The following RHOT1 variants were observed in gnomAD, a reference collection of about 807,000 sequenced individuals.
RHOT1 encodes the protein mitochondrial Rho GTPase 1.
RHOT1 carries 27 observed loss-of-function variants against 95.3 expected under a neutral mutation model. The observed-to-expected ratio is 0.28, with a 90% CI of 0.21 to 0.39. RHOT1 has a LOEUF of 0.39. Ranked by LOEUF, RHOT1 falls within the 10% of genes least tolerant of loss-of-function variation. RHOT1 has a pLI of 1.00. For missense variants in RHOT1, 578 were observed against 786.7 expected (o/e 0.73, Z 3.17); for synonymous variants, 227 against 263.5 (o/e 0.86, Z 1.34).
At chr17:32,207,225 G>A in intron 17 of RHOT1, 196 bp downstream of exon 17, 1 of 475,506 alleles carries the variant, frequency 2.1e-6, no homozygotes, top group South Asian at 4.6e-5. Context: ...ATTTCTGAAA[G>A]TTTTCGACAT....
At chr17:32,223,622 C>G (rs927109086) in intron 19 of RHOT1, among the ~76,000 whole-genome samples, 2 of 151,972 alleles carry the variant, frequency 1.3e-5, no homozygotes, top group African/African-American at 4.8e-5. Flanking sequence ...ACCATGTTGG[C>G]CAGGCCAGTC....
Position 32,197,659 on chromosome 17 carries a change from A to G in RHOT1, c.870-1288A>G, listed in dbSNP as rs534682158. On this transcript the variant is annotated intron_variant, in intron 11 of 19. Transcript: ENST00000545287. ...TGTCCAGGATGGTCTCAATCTCTTG[A>G]CCTCGTGATCTGCCCGCCTCGGCCT... 4.6e-5 allele frequency among the ~76,000 whole-genome samples: 7 copies of G among 151,838 alleles called. No individual in the cohort carries two copies. The South Asian group carries it at 1.2e-3, about 27-fold the overall frequency.
intron 1 of RHOT1, among the ~76,000 whole-genome samples, chr17:32,151,964 T>C (rs2032361622): frequency 6.6e-6 from 1 of 152,296 alleles, no homozygotes; most frequent in African/African-American, 2.4e-5. Flanking sequence ...AGAAGATCTT[T>C]TATTGTACAA....
At chr17:32,143,350 C>T (rs2030743186) in intron 1 of RHOT1, among the ~76,000 whole-genome samples, 1 of 152,180 alleles carries the variant, frequency 6.6e-6, no homozygotes, top group African/African-American at 2.4e-5. Context: ...TTTAGCAGTA[C>T]TTGTACTTTG....
At chr17:32,163,864 T>C (rs182315806) in intron 1 of RHOT1, among the ~76,000 whole-genome samples, 204 of 151,924 alleles carry the variant, frequency 1.3e-3, no homozygotes, top group African/African-American at 4.7e-3. Context: ...GGATGAAGAA[T>C]AGTGCCTGGT....
intron 15 of RHOT1, 93 bp downstream of exon 15, chr17:32,202,993 A>C: frequency 7.8e-7 from 1 of 1,284,514 alleles, no homozygotes; most frequent in Admixed American, 2.1e-5. Context: ...TTTTTAGATA[A>C]TTATTAGAAC....
Position 32,203,875 on chromosome 17 carries a change from C to T in RHOT1, c.1333-15C>T, listed in dbSNP as rs190747103. 130 of 1,594,342 alleles carry T rather than the reference C, an allele frequency of 8.2e-5. No homozygotes were observed. In the East Asian group the frequency reaches 1.5e-3, roughly 18 times the overall value. ...TAGTTACTGCAGATATTGAGATTTT[C>T]GGTTCTGTTTTCAGAGGCAGAAGAA... On this transcript the variant is annotated splice_polypyrimidine_tract_variant and intron_variant, in intron 15 of 19. Transcript: ENST00000545287.
In RHOT1 at chr17:32,224,626, C is replaced by A. The variant is rs372296401; in HGVS notation, c.1873C>A (p.Gln625Lys). The A allele has an allele frequency of 4.3e-6, 7 of 1,612,274 alleles. No homozygotes were observed. Among genetic ancestry groups the A allele is most frequent in the Non-Finnish European group, 5.9e-6 (7 of 1,178,930 alleles). ...ATTTTCTGACTGCAGGCACGTGACA[C>A]AAGCTGACCTCAAGAGCTCCACGTT... ...FTAVLNRHVTQADLKSSTFWL... is the reference protein window; with the variant it reads ...FTAVLNRHVTKADLKSSTFWL... The change falls in exon 20 of 20, where the codon CAA becomes AAA. Residue 625 changes from glutamine to lysine, a missense_variant. Around this residue, in one of 4 missense-constraint regions of RHOT1, gnomAD observed 296 missense variants for 338.5 expected, o/e 0.87. Transcript: ENST00000545287.
Position 32,173,959 on chromosome 17 carries a change from ACTTG to A in RHOT1, c.178+48_178+51del. Reference sequence around the variant, plus strand: ...ATGAAGGTGTAGGTTAATTTAATAGACTTGAAAAAAGATACTTACTGAGCTTTTA... The same window carrying A: ...ATGAAGGTGTAGGTTAATTTAATAGAAAAAAAGATACTTACTGAGCTTTTA... On this transcript the variant is annotated intron_variant, in intron 3 of 19. Coordinates refer to ENST00000545287, the MANE Select transcript of RHOT1 (RefSeq NM_001033566.3). 3.8e-6 allele frequency: 5 copies of A among 1,302,252 alleles called. No homozygotes were observed. The African/African-American group carries it at 4.4e-5, about 12-fold the overall frequency. 80.7% of individuals were successfully genotyped at this position (1,302,252 alleles called of 1,614,324 possible).
At chr17:32,149,611 A>ATGTGTG (rs1459915998) in intron 1 of RHOT1, among the ~76,000 whole-genome samples, 18 of 85,860 alleles carry the variant, frequency 2.1e-4, no homozygotes, top group African/African-American at 1.3e-3. Context: ...ATATATATAT[A>ATGTGTG]TATATATATA....
intron 1 of RHOT1, among the ~76,000 whole-genome samples, chr17:32,163,952 C>G (rs769215586): frequency 2.0e-4 from 31 of 151,722 alleles, no homozygotes; most frequent in Non-Finnish European, 3.5e-4. Flanking sequence ...GTCAAGAGAT[C>G]GAGACCATCC....
chr17:32,204,322 G>T (rs889258557), intron 16 of RHOT1, among the ~76,000 whole-genome samples: 1 of 151,032 alleles, frequency 6.6e-6, no homozygotes, highest in Admixed American at 6.6e-5. Flanking sequence ...AGGCCAAGGC[G>T]GGCGGATCAC....
intron 1 of RHOT1, among the ~76,000 whole-genome samples, chr17:32,170,143 G>A (rs75676177): frequency 0.034 from 5,193 of 152,142 alleles, 290 homozygotes; most frequent in African/African-American, 0.12. Flanking sequence ...GGCTGGGCGC[G>A]GTAGCTCACG....
At chr17:32,146,925 T>C (rs916350745) in intron 1 of RHOT1, among the ~76,000 whole-genome samples, 2 of 133,712 alleles carry the variant, frequency 1.5e-5, no homozygotes, top group Non-Finnish European at 3.2e-5. Context: ...TTTTTTTTTT[T>C]AGTAGAGAGG....
intron 8 of RHOT1, among the ~76,000 whole-genome samples, chr17:32,184,744 C>T (rs539357333): frequency 6.9e-4 from 105 of 152,042 alleles, no homozygotes; most frequent in Non-Finnish European, 1.1e-3. Context: ...GCAGTCTTCC[C>T]GCCTCCACCT....
chr17:32,150,438 T>C, intron 1 of RHOT1: 1 of 688,276 alleles, frequency 1.5e-6, no homozygotes. Flanking sequence ...GTCAGAGAAA[T>C]CCAAAGTCTA....
intron 16 of RHOT1, among the ~76,000 whole-genome samples, chr17:32,205,705 C>T (rs1024695015): frequency 2.0e-5 from 3 of 152,220 alleles, no homozygotes; most frequent in South Asian, 4.1e-4. Context: ...TTTGGGAGGC[C>T]GAGGCGGGTG....
intron 1 of RHOT1, among the ~76,000 whole-genome samples, chr17:32,170,732 A>G (rs1434159267): frequency 1.3e-5 from 2 of 152,242 alleles, no homozygotes; most frequent in African/African-American, 4.8e-5. Context: ...TGTGATAACT[A>G]TGATTCCATT....
At chr17:32,204,635 T>A (rs951846586) in intron 16 of RHOT1, among the ~76,000 whole-genome samples, 11 of 149,332 alleles carry the variant, frequency 7.4e-5, no homozygotes, top group Non-Finnish European at 1.0e-4. Context: ...TTAAAAAAAT[T>A]AAAAAAAAAA....
Sources: gnomAD v4.1 joint callset for allele counts (sites outside exome capture counted in the v4.1 genomes callset) on GRCh38, gnomAD v4.1.1 for gene constraint, gnomAD v4.1.1 regional missense constraint, MANE v1.5 for transcripts, NCBI Gene and HGNC (gene_info 2026-07-23, HGNC 2026-07-21) for gene names.